HDAC9: variants seen among roughly 807,000 people sequenced by gnomAD.
HDAC9 encodes histone deacetylase 9.
A neutral mutation model predicts 139.4 loss-of-function variants in HDAC9; 41 were observed. The ratio of observed to expected loss-of-function variants is 0.29; its 90% CI spans 0.23 to 0.38. The LOEUF (loss-of-function observed/expected upper bound fraction) is 0.38. Among genes scored for constraint, HDAC9 ranks in the 10% least tolerant of loss-of-function variants. The probability of loss-of-function intolerance (pLI) is 1.00; values close to 1 mark genes in which losing one functional copy is unlikely to be tolerated. For synonymous variants in HDAC9, 517 were observed against 476.2 expected (o/e 1.09, Z -1.12); for missense variants, 1,147 against 1,297.0 (o/e 0.88, Z 1.78).
At chr7:18,163,031 C>A (rs952349921) in intron 2 of HDAC9, among the ~76,000 whole-genome samples, 2 of 152,196 alleles carry the variant, frequency 1.3e-5, no homozygotes, top group Middle Eastern at 3.2e-3. Context: ...CAAGAATTTT[C>A]TGCTTGGATA....
At chr7:18,556,737 C>T (rs1818942781) in intron 2 of HDAC9, among the ~76,000 whole-genome samples, 1 of 151,982 alleles carries the variant, frequency 6.6e-6, no homozygotes, top group Non-Finnish European at 1.5e-5. Flanking sequence ...CTCAGTGTTT[C>T]CCCACACATT....
chr7:18,512,822 T>C (rs747491926), intron 2 of HDAC9, among the ~76,000 whole-genome samples: 3 of 152,184 alleles, frequency 2.0e-5, no homozygotes, highest in Admixed American at 6.5e-5. Flanking sequence ...AATTCAAATA[T>C]ACGAGTAAGT....
chr7:18,768,964 G>A (rs550917054), intron 16 of HDAC9, among the ~76,000 whole-genome samples: 1 of 152,170 alleles, frequency 6.6e-6, no homozygotes, highest in Non-Finnish European at 1.5e-5. Context: ...TTGCCAAACT[G>A]TAGGCTAACA....
intron 1 of HDAC9, among the ~76,000 whole-genome samples, chr7:18,309,443 A>G (rs1799154461): frequency 6.6e-6 from 1 of 152,194 alleles, no homozygotes; most frequent in Admixed American, 6.5e-5. Flanking sequence ...GAGTTGAGCA[A>G]TACTTTATTG....
At chr7:18,833,759 T>A (rs893132448) in intron 19 of HDAC9, among the ~76,000 whole-genome samples, 1 of 152,188 alleles carries the variant, frequency 6.6e-6, no homozygotes, top group Admixed American at 6.5e-5. Flanking sequence ...ATTTTGGATA[T>A]GTGTACCATT....
At chr7:18,783,406 A>T (rs750724301) in intron 16 of HDAC9, among the ~76,000 whole-genome samples, 1 of 152,146 alleles carries the variant, frequency 6.6e-6, no homozygotes, top group Non-Finnish European at 1.5e-5. Flanking sequence ...AAATACTTGT[A>T]TATGAGGCAA....
intron 17 of HDAC9, among the ~76,000 whole-genome samples, chr7:18,805,675 G>A (rs1413431282): frequency 7.2e-5 from 11 of 152,210 alleles, no homozygotes; most frequent in African/African-American, 1.4e-4. Context: ...AGTGCATGAC[G>A]CATCTCAGTG....
intron 22 of HDAC9, among the ~76,000 whole-genome samples, chr7:18,897,817 T>TA (rs34967225): frequency 0.034 from 4,860 of 141,354 alleles, 127 homozygotes; most frequent in South Asian, 0.048. Flanking sequence ...TATGGTTACT[T>TA]AAAAAAAAAA....
chr7:18,382,614 C>A (rs577371296), intron 1 of HDAC9, among the ~76,000 whole-genome samples: 14 of 152,178 alleles, frequency 9.2e-5, no homozygotes, highest in African/African-American at 2.9e-4. Flanking sequence ...AACAAATGAA[C>A]AAGAAAATTT....
chr7:18,774,439 G>A (rs1456231259), intron 16 of HDAC9, among the ~76,000 whole-genome samples: 1 of 152,014 alleles, frequency 6.6e-6, no homozygotes, highest in African/African-American at 2.4e-5. Flanking sequence ...GAGCAACACA[G>A]TAAAGCAAAT....
intron 1 of HDAC9, chr7:18,290,550 G>C (rs1399040638): frequency 4.4e-6 from 2 of 456,582 alleles, no homozygotes; most frequent in Admixed American, 2.3e-5. Flanking sequence ...TAAGAGAACT[G>C]TGAAAAAGAT....
intron 12 of HDAC9, among the ~76,000 whole-genome samples, chr7:18,725,107 C>T (rs1183463195): frequency 1.3e-5 from 2 of 152,132 alleles, no homozygotes; most frequent in Admixed American, 6.5e-5. Flanking sequence ...CCATGAGACA[C>T]AGCAGACACA....
chr7:18,406,754 C>T (rs534243594), intron 1 of HDAC9, among the ~76,000 whole-genome samples: 69 of 152,232 alleles, frequency 4.5e-4, no homozygotes, highest in Non-Finnish European at 8.1e-4. Flanking sequence ...GGTCTAGTAA[C>T]TACACCATAT....
chr7:18,173,452 AT>A (rs1554320037), intron 2 of HDAC9, among the ~76,000 whole-genome samples: 4 of 152,138 alleles, frequency 2.6e-5, no homozygotes, highest in Non-Finnish European at 5.9e-5. Context: ...GCCCATTTAC[AT>A]TTAAGGTTAA....
At chr7:18,279,430 T>C (rs1373469831) in intron 2 of HDAC9, among the ~76,000 whole-genome samples, 2 of 151,546 alleles carry the variant, frequency 1.3e-5, no homozygotes, top group Non-Finnish European at 2.9e-5. Flanking sequence ...TGCAAAAAAT[T>C]GGTCAGATAT....
chr7:18,482,728 G>T (rs921442574), intron 1 of HDAC9, among the ~76,000 whole-genome samples: 1 of 151,962 alleles, frequency 6.6e-6, no homozygotes, highest in Admixed American at 6.6e-5. Flanking sequence ...CTGGGCCATC[G>T]AATCAAAGCA....
At chr7:18,103,157 A>G (rs1248006800) in intron 1 of HDAC9, among the ~76,000 whole-genome samples, 1 of 152,072 alleles carries the variant, frequency 6.6e-6, no homozygotes. Context: ...TAAAACCATC[A>G]GATCTCATGA....
intron 1 of HDAC9, among the ~76,000 whole-genome samples, chr7:18,128,852 C>CT (rs1032673614): frequency 6.6e-6 from 1 of 151,850 alleles, no homozygotes. Context: ...TCCTGTCTCT[C>CT]TTTTTTTCTC....
At chr7:18,837,157 A>C (rs1796292770) in intron 21 of HDAC9, among the ~76,000 whole-genome samples, 2 of 151,740 alleles carry the variant, frequency 1.3e-5, no homozygotes, top group South Asian at 2.1e-4. Flanking sequence ...TTGGCTTGGC[A>C]TTCAAGATAC....
Sources: gnomAD v4.1 joint callset for allele counts (sites outside exome capture counted in the v4.1 genomes callset) on GRCh38, gnomAD v4.1.1 for gene constraint, MANE v1.5 for transcripts, NCBI Gene and HGNC (gene_info 2026-07-23, HGNC 2026-07-21) for gene names.